The following MARCO variants were observed in gnomAD, a reference collection of about 807,000 sequenced individuals.
MARCO encodes macrophage receptor MARCO.
Under a neutral mutation model 70.0 loss-of-function variants are expected in MARCO, and 72 were observed. The observed-to-expected ratio is 1.03, with a 90% confidence interval of 0.85 to 1.25. The LOEUF (loss-of-function observed/expected upper bound fraction) is 1.25. MARCO is among the 50% of genes most tolerant of loss of function. The probability of loss-of-function intolerance (pLI) is 0.00; values close to 1 mark genes in which losing one functional copy is unlikely to be tolerated. For missense variants in MARCO, 696 were observed against 659.3 expected (o/e 1.06, Z -0.61); for synonymous variants, 273 against 243.1 (o/e 1.12, Z -1.14).
chr2:118,980,022 C>T (rs1440494665), intron 8 of MARCO, among the ~76,000 whole-genome samples: 1 of 152,220 alleles, frequency 6.6e-6, no homozygotes, highest in Non-Finnish European at 1.5e-5. Context: ...TGATACTGCC[C>T]TCTTCCCAAA....
Position 118,972,657 on chromosome 2 carries a change from G to A in MARCO, c.460+1123G>A, listed in dbSNP as rs983932921. ...AGTACTCAATGATGTTCTTGTCTTCGTTATTATTATGACTATTATTTGCTA... is the reference window on the plus strand; with the variant it reads ...AGTACTCAATGATGTTCTTGTCTTCATTATTATTATGACTATTATTTGCTA... On this transcript the variant is annotated intron_variant, in intron 4 of 16. Coordinates refer to ENST00000327097, the MANE Select transcript of MARCO (RefSeq NM_006770.4). 7.9e-5 allele frequency among the ~76,000 whole-genome samples: 12 copies of A among 152,112 alleles called. No individual in the cohort carries two copies. The East Asian group carries it at 1.9e-3, about 24-fold the overall frequency.
chr2:118,951,397 T>C (rs143289433), intron 1 of MARCO, among the ~76,000 whole-genome samples: 5 of 152,396 alleles, frequency 3.3e-5, no homozygotes, highest in African/African-American at 9.6e-5. Flanking sequence ...CTTAAGGTTC[T>C]TGAGTCAGTG....
chr2:118,944,412 C>T (rs553345817), intron 1 of MARCO, among the ~76,000 whole-genome samples: 11 of 152,270 alleles, frequency 7.2e-5, no homozygotes, highest in South Asian at 2.1e-4. Context: ...GCTCTGGTAA[C>T]ACAGTGACCC....
chr2:118,970,026 G>A, intron 2 of MARCO, 88 bp from the exon 3 acceptor site: 2 of 1,149,388 alleles, frequency 1.7e-6, no homozygotes, highest in Non-Finnish European at 2.6e-6. Context: ...TTCAGGGCCT[G>A]TAGAAGTTAT....
rs1679516858 is a variant in MARCO, at chr2:118,942,214, G to A, written c.-87G>A. ...GGTTTACAACCAGCTGCAGTGGTTC[G>A]ATGGGAAGGATCTTTCTCCAAGTGG... On this transcript the variant is annotated 5_prime_UTR_variant, in exon 1 of 17. Coordinates refer to ENST00000327097, the MANE Select transcript of MARCO (RefSeq NM_006770.4). 9.7e-6 allele frequency: 8 copies of A among 826,796 alleles called. No individual in the cohort carries two copies. The highest frequency in any genetic ancestry group is 3.0e-5 in the South Asian group (2 of 66,900). 51.2% of individuals were successfully genotyped at this position (826,796 alleles called of 1,614,324 possible). A position where few individuals can be genotyped will look rare whatever the true frequency, so the allele number is the denominator to read the frequency against.
intron 12 of MARCO, among the ~76,000 whole-genome samples, chr2:118,990,299 C>G (rs1286272387): frequency 2.6e-5 from 4 of 152,150 alleles, no homozygotes; most frequent in Admixed American, 2.6e-4. Context: ...GATTTAGATG[C>G]CAGGTCAGGT....
intron 1 of MARCO, among the ~76,000 whole-genome samples, chr2:118,957,526 A>G (rs555786153): frequency 6.6e-6 from 1 of 152,198 alleles, no homozygotes; most frequent in South Asian, 2.1e-4. Flanking sequence ...AAACAAACAA[A>G]CAAACAGTCC....
At chr2:118,987,173 C>A (rs1432693589) in intron 12 of MARCO, among the ~76,000 whole-genome samples, 3 of 152,270 alleles carry the variant, frequency 2.0e-5, no homozygotes, top group East Asian at 3.9e-4. Flanking sequence ...TATTTGGAAC[C>A]CTTTCAGCTT....
Position 118,974,239 on chromosome 2 carries a change from C to T in MARCO, c.461-94C>T, listed in dbSNP as rs1415540794. ...TTGGCTCATCCCCATGCTCAGTGAA[C>T]GTTTGTTGAATGAATCACCATGTAA... On this transcript the variant is annotated intron_variant, in intron 4 of 16. Coordinates refer to ENST00000327097, the MANE Select transcript of MARCO (RefSeq NM_006770.4). 6.4e-6 allele frequency: 5 copies of T among 780,912 alleles called. No homozygotes were observed. In the East Asian group the frequency reaches 1.1e-4, roughly 17 times the overall value. The allele number at this position is 780,912 out of a possible 1,614,324, so 48.4% of individuals were successfully genotyped here.
intron 13 of MARCO, among the ~76,000 whole-genome samples, chr2:118,990,871 G>C (rs1680609080): frequency 6.6e-6 from 1 of 152,134 alleles, no homozygotes; most frequent in African/African-American, 2.4e-5. Context: ...GATGGCAAAG[G>C]GGCTGAGGAT....
At chr2:118,944,968 G>A (rs949673467) in intron 1 of MARCO, 1 of 151,976 alleles carries the variant, frequency 6.6e-6, no homozygotes, top group Non-Finnish European at 1.5e-5. Context: ...CTTTTTAGGA[G>A]TGTGATTAAC....
At chr2:118,979,727 C>T (rs1429039484) in intron 8 of MARCO, among the ~76,000 whole-genome samples, 2 of 152,212 alleles carry the variant, frequency 1.3e-5, no homozygotes, top group Non-Finnish European at 2.9e-5. Flanking sequence ...GCCCACCCCT[C>T]CTCTTCCCAA....
In MARCO at chr2:118,974,392, C is replaced by T. The variant is rs759560710; in HGVS notation, c.520C>T (p.Pro174Ser). 1.2e-5 allele frequency: 19 copies of T among 1,612,382 alleles called. No homozygotes were observed. The African/African-American group carries it at 2.0e-4, about 17-fold the overall frequency. The change falls in exon 5 of 17, where the codon CCT (proline) becomes TCT (serine). Residue 174 changes from proline (P) to serine (S), a missense_variant. By Grantham distance (74) the Pro-to-Ser change is moderately conservative (BLOSUM62 -1). Transcript: ENST00000327097. ...TGGTGCCCCTGGCCCGCCGGGACCA[C>T]CTGCTGAGAAGGGAGCCAAGGGGGC... Reference protein sequence around the residue: ...MPGAPGPPGPPAEKGAKGAMG... With the variant: ...MPGAPGPPGPSAEKGAKGAMG...
At chr2:118,952,951 G>A (rs1443767523) in intron 1 of MARCO, 1 of 152,216 alleles carries the variant, frequency 6.6e-6, no homozygotes, top group African/African-American at 2.4e-5. Flanking sequence ...CAGAAAGGGT[G>A]CTCAATTGCA....
chr2:118,994,265 C>A, intron 16 of MARCO, 122 bp from the exon 17 acceptor site: 1 of 1,066,668 alleles, frequency 9.4e-7, no homozygotes, highest in Non-Finnish European at 1.4e-6. Context: ...CCGGAATGGG[C>A]CAGAATGAGT....
At chr2:118,982,475 A>T in intron 12 of MARCO, 65 bp downstream of exon 12, 2 of 1,490,430 alleles carry the variant, frequency 1.3e-6, no homozygotes, top group Non-Finnish European at 1.9e-6. Flanking sequence ...GGAGAGAAAA[A>T]CTGCTTCTTC....
chr2:118,946,074 G>T (rs1050540034), intron 1 of MARCO, among the ~76,000 whole-genome samples: 2 of 152,268 alleles, frequency 1.3e-5, no homozygotes, highest in Admixed American at 6.5e-5. Flanking sequence ...GCAGAGTTTA[G>T]TCTTAACTTT....
At chr2:118,977,742 C>T in intron 7 of MARCO, 86 bp from the exon 8 acceptor site, 1 of 1,050,234 alleles carries the variant, frequency 9.5e-7, no homozygotes, top group Non-Finnish European at 1.4e-6. Context: ...TCCCTTCTCT[C>T]CCAAATGCTT....
intron 2 of MARCO, 52 bp downstream of exon 2, chr2:118,969,313 C>T (rs1206033360): frequency 7.0e-7 from 1 of 1,435,842 alleles, no homozygotes; most frequent in East Asian, 2.3e-5. Context: ...AGGGGTGACC[C>T]AGCTGGGCCC....
Sources: allele counts gnomAD v4.1 joint callset (sites outside exome capture counted in the v4.1 genomes callset), GRCh38; gene constraint gnomAD v4.1.1; transcripts MANE v1.5; gene names NCBI Gene and HGNC (gene_info 2026-07-23, HGNC 2026-07-21).